RASA3: variants seen among roughly 807,000 people sequenced by gnomAD.
RASA3 encodes RAS p21 protein activator 3.
RASA3 carries 73 observed loss-of-function variants against 110.0 expected under a neutral mutation model. The ratio of observed to expected loss-of-function variants is 0.66; its 90% CI spans 0.55 to 0.81. The LOEUF is 0.81. RASA3 is among the 30% of genes least tolerant of loss of function. The probability of loss-of-function intolerance (pLI) is 0.00; values close to 1 mark genes in which losing one functional copy is unlikely to be tolerated. For synonymous variants in RASA3, 500 were observed against 451.4 expected (o/e 1.11, Z -1.37); for missense variants, 976 against 1,113.2 (o/e 0.88, Z 1.75).
intron 3 of RASA3, among the ~76,000 whole-genome samples, chr13:114,044,888 T>C (rs1305668464): frequency 6.6e-6 from 1 of 152,072 alleles, no homozygotes; most frequent in East Asian, 1.9e-4. Context: ...AAGTCACATA[T>C]TTACGTGGAT....
chr13:113,999,490 G>C, intron 20 of RASA3, 95 bp downstream of exon 20: 1 of 964,192 alleles, frequency 1.0e-6, no homozygotes, highest in Non-Finnish European at 1.7e-6. Context: ...GCAGTGGGTG[G>C]GGAAGGGTGA....
chr13:114,016,102 C>A, intron 13 of RASA3, 95 bp downstream of exon 13: 1 of 1,118,622 alleles, frequency 8.9e-7, no homozygotes, highest in Non-Finnish European at 1.3e-6. Context: ...CCACCCCAAC[C>A]GGGGTCACGG....
In RASA3 at chr13:114,117,127, G is replaced by C. The variant is rs568359683; in HGVS notation, c.55+15308C>G. On this transcript the variant is annotated intron_variant, in intron 1 of 23. Transcript: ENST00000334062. ...TGAGGAGAGCACGTGTGTGAGGGATGCATGTGTGTGAGGAGAGCACGTGTG... is the reference window on the plus strand; with the variant it reads ...TGAGGAGAGCACGTGTGTGAGGGATCCATGTGTGTGAGGAGAGCACGTGTG... Among the ~76,000 whole-genome samples, 36 of 133,364 alleles carry C rather than the reference G, an allele frequency of 2.7e-4. No individual in the cohort carries two copies. In the South Asian group the frequency reaches 7.5e-3, roughly 28 times the overall value. The allele number at this position is 133,364 out of a possible 152,430, so 87.5% of individuals were successfully genotyped here. A position where few individuals can be genotyped will look rare whatever the true frequency, so the allele number is the denominator to read the frequency against.
intron 2 of RASA3, among the ~76,000 whole-genome samples, chr13:114,054,841 G>A (rs551618262): frequency 2.0e-5 from 3 of 152,378 alleles, no homozygotes; most frequent in Admixed American, 6.5e-5. Context: ...ACACATTCTC[G>A]CGTTGGTCGT....
At chr13:114,007,917 C>T (rs961777948) in intron 17 of RASA3, among the ~76,000 whole-genome samples, 3 of 152,230 alleles carry the variant, frequency 2.0e-5, no homozygotes, top group Non-Finnish European at 4.4e-5. Context: ...AGTGAGGAGG[C>T]TCAGGCATCC....
chr13:114,061,869 G>GT (rs1318780099), intron 2 of RASA3, among the ~76,000 whole-genome samples: 1 of 152,122 alleles, frequency 6.6e-6, no homozygotes, highest in Non-Finnish European at 1.5e-5. Flanking sequence ...GCTTGCGGTG[G>GT]TAACTCCATC....
At chr13:114,120,610 C>CCT in intron 1 of RASA3, among the ~76,000 whole-genome samples, 1 of 151,704 alleles carries the variant, frequency 6.6e-6, no homozygotes, top group South Asian at 2.1e-4. Flanking sequence ...CAGGGCCCCT[C>CCT]CCTCTCTCCA....
At chr13:114,109,835 G>A (rs974695734) in intron 1 of RASA3, among the ~76,000 whole-genome samples, 2 of 152,218 alleles carry the variant, frequency 1.3e-5, no homozygotes, top group African/African-American at 4.8e-5. Flanking sequence ...CTCTTTGACC[G>A]GGGGTGGCCT....
chr13:114,002,522 T>G (rs777939511), intron 18 of RASA3, among the ~76,000 whole-genome samples: 57 of 152,310 alleles, frequency 3.7e-4, no homozygotes, highest in Non-Finnish European at 5.7e-4. Context: ...CTCCACGACA[T>G]GCCGGCCTCC....
intron 1 of RASA3, among the ~76,000 whole-genome samples, chr13:114,109,685 T>C (rs9525266): frequency 0.55 from 83,834 of 152,010 alleles, 23,465 homozygotes; most frequent in East Asian, 0.76. Context: ...ATCCTCCTTC[T>C]GCTCCATCCC....
intron 1 of RASA3, among the ~76,000 whole-genome samples, chr13:114,117,937 GA>G (rs1594475030): frequency 6.6e-6 from 1 of 151,858 alleles, no homozygotes; most frequent in East Asian, 1.9e-4. Context: ...GCATGTGTGT[GA>G]GGGGTGCACG....
chr13:114,067,061 G>C (rs2079466655), intron 2 of RASA3, among the ~76,000 whole-genome samples: 1 of 149,670 alleles, frequency 6.7e-6, no homozygotes, highest in Non-Finnish European at 1.5e-5. Context: ...CCTGACCTGG[G>C]CTGAGGACAG....
chr13:113,998,557 C>T (rs920766769), intron 20 of RASA3, among the ~76,000 whole-genome samples: 19 of 152,282 alleles, frequency 1.2e-4, no homozygotes, highest in Admixed American at 7.8e-4. Context: ...CAGGATGGCA[C>T]GGACGGCGGG....
At chr13:114,126,219 C>A (rs2080446711) in intron 1 of RASA3, among the ~76,000 whole-genome samples, 2 of 152,046 alleles carry the variant, frequency 1.3e-5, no homozygotes, top group Non-Finnish European at 2.9e-5. Context: ...TCCAACCTCG[C>A]ACCCTCCAGA....
intron 10 of RASA3, among the ~76,000 whole-genome samples, chr13:114,018,493 G>A (rs1212915656): frequency 1.3e-5 from 2 of 152,222 alleles, no homozygotes; most frequent in Admixed American, 6.5e-5. Flanking sequence ...GGGCCCCTGA[G>A]CCGGTAGAGG....
chr13:114,087,418 G>C (rs939173045), intron 1 of RASA3, among the ~76,000 whole-genome samples: 1 of 152,232 alleles, frequency 6.6e-6, no homozygotes, highest in Non-Finnish European at 1.5e-5. Context: ...TGTTTATCTG[G>C]GCATAAAACT....
chr13:114,113,618 C>T (rs9525268), intron 1 of RASA3, among the ~76,000 whole-genome samples: 8,175 of 63,092 alleles, frequency 0.13, 421 homozygotes, highest in Middle Eastern at 0.24. Context: ...CCACCCACCA[C>T]GGCGAGTGAT....
Position 114,007,955 on chromosome 13 carries a change from G to C in RASA3, c.1669-349C>G, listed in dbSNP as rs112365863. 1.2e-3 allele frequency among the ~76,000 whole-genome samples: 130 copies of C among 106,680 alleles called. No individual in the cohort carries two copies. In the Middle Eastern group the frequency reaches 0.018, roughly 14 times the overall value. 70.0% of individuals were successfully genotyped at this position (106,680 alleles called of 152,430 possible). A position where few individuals can be genotyped will look rare whatever the true frequency, so the allele number is the denominator to read the frequency against. ...GACTGTGGGGAGGAGCAGAGCCCTG[G>C]GGCCTGGAGGTTGCCCCCACGCACC... On this transcript the variant is annotated intron_variant, in intron 17 of 23. Coordinates refer to ENST00000334062, the MANE Select transcript of RASA3 (RefSeq NM_007368.4).
intron 21 of RASA3, among the ~76,000 whole-genome samples, chr13:113,996,164 G>T (rs2053252407): frequency 6.6e-6 from 1 of 152,138 alleles, no homozygotes; most frequent in Non-Finnish European, 1.5e-5. Context: ...CAAGGTGGGT[G>T]TCCTGGGCCA....
Sources: gnomAD v4.1 joint callset for allele counts (sites outside exome capture counted in the v4.1 genomes callset) on GRCh38, gnomAD v4.1.1 for gene constraint, MANE v1.5 for transcripts, NCBI Gene and HGNC (gene_info 2026-07-23, HGNC 2026-07-21) for gene names.